Variants in ALCAM observed in about 807,000 individuals in gnomAD.
ALCAM encodes CD166 antigen.
ALCAM carries 30 observed loss-of-function variants against 70.9 expected under a neutral mutation model. That is an observed-to-expected ratio of 0.42 (90% confidence interval 0.32 to 0.57). ALCAM has a LOEUF of 0.57. Among genes scored for constraint, ALCAM ranks in the 20% least tolerant of loss-of-function variants. The pLI, the probability that ALCAM is intolerant of heterozygous loss-of-function variation, is 0.11. For synonymous variants in ALCAM, 249 were observed against 242.5 expected (o/e 1.03, Z -0.25); for missense variants, 591 against 695.1 (o/e 0.85, Z 1.68).
intron 1 of ALCAM, among the ~76,000 whole-genome samples, chr3:105,413,436 A>G (rs186833649): frequency 4.2e-4 from 64 of 152,208 alleles, no homozygotes; most frequent in Non-Finnish European, 6.8e-4. Context: ...TTCTCTCTAC[A>G]CATTTGCACA....
intron 1 of ALCAM, among the ~76,000 whole-genome samples, chr3:105,455,650 C>G (rs918466722): frequency 6.6e-6 from 1 of 152,174 alleles, no homozygotes; most frequent in Non-Finnish European, 1.5e-5. Context: ...AAGTAGCTTT[C>G]CTGAAGACAT....
intron 1 of ALCAM, among the ~76,000 whole-genome samples, chr3:105,449,286 G>C (rs1471197791): frequency 6.6e-6 from 1 of 152,144 alleles, no homozygotes; most frequent in Non-Finnish European, 1.5e-5. Flanking sequence ...CATTGATTTA[G>C]TGAATTTTTT....
intron 1 of ALCAM, among the ~76,000 whole-genome samples, chr3:105,504,045 CT>C (rs1437562059): frequency 3.9e-5 from 6 of 152,170 alleles, no homozygotes; most frequent in Non-Finnish European, 8.8e-5. Context: ...ATGAAAAGCA[CT>C]TTTTTAAAGC....
At chr3:105,495,105 G>GAAGCTTTGA (rs1938699154) in intron 1 of ALCAM, among the ~76,000 whole-genome samples, 1 of 152,098 alleles carries the variant, frequency 6.6e-6, no homozygotes, top group Admixed American at 6.5e-5. Context: ...TTTTTGCCCG[G>GAAGCTTTGA]AAGCTTTGAA....
At chr3:105,431,991 G>C (rs1326513380) in intron 1 of ALCAM, among the ~76,000 whole-genome samples, 2 of 152,086 alleles carry the variant, frequency 1.3e-5, no homozygotes, top group African/African-American at 4.8e-5. Flanking sequence ...AGCAAAACTT[G>C]AGCTGTAATA....
intron 1 of ALCAM, among the ~76,000 whole-genome samples, chr3:105,493,180 A>G (rs527942672): frequency 1.3e-5 from 2 of 152,316 alleles, no homozygotes; most frequent in South Asian, 4.1e-4. Flanking sequence ...TTTGCAAATC[A>G]TTTCACATAA....
At chr3:105,463,091 A>T (rs548377028) in intron 1 of ALCAM, among the ~76,000 whole-genome samples, 2 of 151,524 alleles carry the variant, frequency 1.3e-5, no homozygotes, top group South Asian at 4.1e-4. Context: ...TTTTAACCTT[A>T]TTTTCCTGTG....
At chr3:105,377,171 G>C (rs1935398916) in intron 1 of ALCAM, among the ~76,000 whole-genome samples, 1 of 152,028 alleles carries the variant, frequency 6.6e-6, no homozygotes. Flanking sequence ...AGCACCTATA[G>C]CTCTACCTCA....
At chr3:105,539,890 T>C (rs951782756) in intron 6 of ALCAM, 85 bp from the exon 7 acceptor site, 7 of 1,371,744 alleles carry the variant, frequency 5.1e-6, no homozygotes, top group Non-Finnish European at 6.9e-6. Context: ...GAGAAAATTA[T>C]GTATAATTTA....
chr3:105,405,971 G>A (rs534069847), intron 1 of ALCAM, among the ~76,000 whole-genome samples: 6 of 152,188 alleles, frequency 3.9e-5, no homozygotes, highest in South Asian at 2.1e-4. Flanking sequence ...TTCTGTAACC[G>A]GTTACAGGGA....
chr3:105,557,632 A>G (rs1214068221), intron 14 of ALCAM, among the ~76,000 whole-genome samples: 2 of 152,128 alleles, frequency 1.3e-5, no homozygotes, highest in Admixed American at 1.3e-4. Context: ...CCCATCATCT[A>G]CCCTAAAGAA....
At chr3:105,401,957 G>A (rs534455037) in intron 1 of ALCAM, among the ~76,000 whole-genome samples, 1 of 151,168 alleles carries the variant, frequency 6.6e-6, no homozygotes, top group South Asian at 2.1e-4. Flanking sequence ...TGATTCTAAT[G>A]TGTAGCCATG....
intron 14 of ALCAM, among the ~76,000 whole-genome samples, chr3:105,554,365 C>T (rs1424532207): frequency 6.6e-6 from 1 of 151,842 alleles, no homozygotes; most frequent in African/African-American, 2.4e-5. Context: ...GTAAGAAGTT[C>T]CCTCTTACTA....
At chr3:105,407,336 A>T (rs1399850842) in intron 1 of ALCAM, among the ~76,000 whole-genome samples, 1 of 152,148 alleles carries the variant, frequency 6.6e-6, no homozygotes, top group Non-Finnish European at 1.5e-5. Context: ...ATGCTAGCAA[A>T]CCAATTCCAA....
At chr3:105,476,618 A>G (rs536519120) in intron 1 of ALCAM, among the ~76,000 whole-genome samples, 2 of 152,108 alleles carry the variant, frequency 1.3e-5, no homozygotes, top group Non-Finnish European at 2.9e-5. Flanking sequence ...AATGAATAAA[A>G]CAAACAACAA....
intron 1 of ALCAM, among the ~76,000 whole-genome samples, chr3:105,479,612 A>G (rs774398670): frequency 6.6e-6 from 1 of 152,202 alleles, no homozygotes; most frequent in African/African-American, 2.4e-5. Context: ...GACAAAAATT[A>G]TATGTATACA....
chr3:105,448,145 A>T (rs1244688902), intron 1 of ALCAM, among the ~76,000 whole-genome samples: 1 of 152,174 alleles, frequency 6.6e-6, no homozygotes, highest in Non-Finnish European at 1.5e-5. Flanking sequence ...TCTGAACCTG[A>T]ACTGTAATTA....
intron 9 of ALCAM, among the ~76,000 whole-genome samples, chr3:105,546,523 A>G (rs1421559032): frequency 6.6e-6 from 1 of 151,424 alleles, no homozygotes; most frequent in Admixed American, 6.6e-5. Flanking sequence ...GTAATCAGTG[A>G]TCACAAGGCT....
intron 1 of ALCAM, among the ~76,000 whole-genome samples, chr3:105,396,306 G>A (rs1935949201): frequency 6.6e-6 from 1 of 151,846 alleles, no homozygotes; most frequent in African/African-American, 2.4e-5. Context: ...GAAATAGGAG[G>A]TTTAGGAGCT....
Sources: gnomAD v4.1 joint callset for allele counts (sites outside exome capture counted in the v4.1 genomes callset) on GRCh38, gnomAD v4.1.1 for gene constraint, MANE v1.5 for transcripts, NCBI Gene and HGNC (gene_info 2026-07-23, HGNC 2026-07-21) for gene names.